Variants in SNTG1 observed in about 807,000 individuals in gnomAD.
The protein encoded by SNTG1 is gamma-1-syntrophin.
In SNTG1, 39 loss-of-function variants were observed where a neutral mutation model predicts 74.7. The ratio of observed to expected loss-of-function variants is 0.52; its 90% CI spans 0.40 to 0.68. The LOEUF is 0.68. Among genes scored for constraint, SNTG1 ranks in the 30% least tolerant of loss-of-function variants. SNTG1 has a pLI of 0.00. For synonymous variants in SNTG1, 254 were observed against 217.1 expected, an observed-to-expected ratio of 1.17 and a Z score of -1.49; for missense variants, 685 against 609.5, an observed-to-expected ratio of 1.12 and a Z score of -1.30.
intron 1 of SNTG1, among the ~76,000 whole-genome samples, chr8:50,093,650 C>G (rs535503132): frequency 2.1e-4 from 32 of 151,990 alleles, no homozygotes; most frequent in African/African-American, 7.7e-4. Flanking sequence ...GAATATGGTC[C>G]CTTGTAAGAC....
At chr8:50,487,067 G>A (rs1165868157) in intron 8 of SNTG1, among the ~76,000 whole-genome samples, 2 of 152,068 alleles carry the variant, frequency 1.3e-5, no homozygotes, top group Non-Finnish European at 2.9e-5. Context: ...CATTTATGCA[G>A]CCAAAAAACA....
In SNTG1 at chr8:50,524,382, A is replaced by G. The variant is rs930098655; in HGVS notation, c.467-5795A>G. ...TTTTAATGGACAAATATACTTGTTA[A>G]ATTATTATTTTCTATTAAAAATAAG... is the stretch of plus-strand genomic sequence containing the variant. On this transcript the variant is annotated intron_variant, in intron 9 of 18. Transcript: ENST00000642720. 9.2e-5 allele frequency among the ~76,000 whole-genome samples: 14 copies of G among 152,204 alleles called. 1 individual carries two copies. The highest frequency in any genetic ancestry group is 3.1e-4 in the African/African-American group (13 of 41,560).
At chr8:50,190,342 G>T (rs1442478106) in intron 2 of SNTG1, among the ~76,000 whole-genome samples, 1 of 152,032 alleles carries the variant, frequency 6.6e-6, no homozygotes, top group East Asian at 1.9e-4. Flanking sequence ...CAGAACAAAA[G>T]GTGGTAATAT....
chr8:50,591,088 T>C (rs1374463906), intron 13 of SNTG1, among the ~76,000 whole-genome samples, 171 bp downstream of exon 13: 1 of 152,110 alleles, frequency 6.6e-6, no homozygotes, highest in Non-Finnish European at 1.5e-5. Flanking sequence ...AATATATTGG[T>C]TCCTCTACTT....
chr8:49,953,051 T>C (rs1376745461), intron 1 of SNTG1, among the ~76,000 whole-genome samples: 1 of 152,144 alleles, frequency 6.6e-6, no homozygotes, highest in Non-Finnish European at 1.5e-5. Flanking sequence ...GAGTCTGAAA[T>C]TGACATATAA....
chr8:50,340,408 G>A (rs1270999965), intron 2 of SNTG1, among the ~76,000 whole-genome samples: 1 of 151,982 alleles, frequency 6.6e-6, no homozygotes, highest in East Asian at 1.9e-4. Flanking sequence ...AGAGAAGTCA[G>A]AAATAGCCCT....
At chr8:50,438,413 C>A in intron 4 of SNTG1, 130 bp from the exon 5 acceptor site, 2 of 673,368 alleles carry the variant, frequency 3.0e-6, no homozygotes, top group Non-Finnish European at 2.6e-6. Context: ...ACTATCCCAG[C>A]ACAGAAGAGT....
intron 2 of SNTG1, among the ~76,000 whole-genome samples, chr8:50,312,626 G>A (rs1420743010): frequency 1.3e-5 from 2 of 149,608 alleles, no homozygotes; most frequent in Non-Finnish European, 2.9e-5. Context: ...AAAATTTCAA[G>A]CCTATACAAA....
At chr8:50,192,974 A>G (rs2083629587) in intron 2 of SNTG1, among the ~76,000 whole-genome samples, 1 of 151,808 alleles carries the variant, frequency 6.6e-6, no homozygotes, top group Admixed American at 6.6e-5. Flanking sequence ...ATTTGGGTTT[A>G]TTTCTGGATT....
chr8:50,501,032 T>G (rs945158621), intron 8 of SNTG1, among the ~76,000 whole-genome samples: 1 of 152,150 alleles, frequency 6.6e-6, no homozygotes, highest in South Asian at 2.1e-4. Context: ...CCAATGATCC[T>G]AGTTACACAG....
At chr8:50,115,879 C>T (rs554828661) in intron 1 of SNTG1, among the ~76,000 whole-genome samples, 2 of 152,122 alleles carry the variant, frequency 1.3e-5, no homozygotes, top group South Asian at 4.2e-4. Flanking sequence ...CCACCGCCCC[C>T]CAACCCCCAG....
chr8:49,957,817 A>G (rs1402884095), intron 1 of SNTG1, among the ~76,000 whole-genome samples: 2 of 152,004 alleles, frequency 1.3e-5, no homozygotes, highest in Non-Finnish European at 2.9e-5. Context: ...TTTTTTTTTA[A>G]AAGCCAGGCA....
At chr8:50,021,599 G>A (rs1816820190) in intron 1 of SNTG1, among the ~76,000 whole-genome samples, 1 of 152,120 alleles carries the variant, frequency 6.6e-6, no homozygotes, top group Admixed American at 6.6e-5. Context: ...GATCAGTTAT[G>A]TGGTTTCATG....
At position 50,389,553 on chromosome 8, in the gene SNTG1, T is replaced by C. The variant is rs541136582; in HGVS notation, c.-27-4659T>C. Among the ~76,000 whole-genome samples, 632 of 152,322 alleles carry C rather than the reference T, an allele frequency of 4.1e-3. 6 individuals are homozygous for C. Among genetic ancestry groups the C allele is most frequent in the African/African-American group, 0.014 (580 of 41,584 alleles). ...ATGCCACAATAAACATACGTGTGCA[T>C]GTGTCTTTATAGCAGCATGATTTAT... On this transcript the variant is annotated intron_variant, in intron 2 of 18. Coordinates refer to ENST00000642720, the MANE Select transcript of SNTG1 (RefSeq NM_018967.5).
intron 2 of SNTG1, among the ~76,000 whole-genome samples, chr8:50,353,148 C>A (rs1168698796): frequency 6.6e-6 from 1 of 151,418 alleles, no homozygotes. Context: ...AGCAAACTAT[C>A]GCAAGGACAA....
At chr8:50,194,428 C>T (rs890195181) in intron 2 of SNTG1, among the ~76,000 whole-genome samples, 4 of 152,098 alleles carry the variant, frequency 2.6e-5, no homozygotes, top group African/African-American at 9.7e-5. Flanking sequence ...TTACTCATCT[C>T]TTCTAGATTT....
chr8:50,576,506 C>A (rs2094577668), intron 12 of SNTG1, among the ~76,000 whole-genome samples: 1 of 152,054 alleles, frequency 6.6e-6, no homozygotes, highest in Non-Finnish European at 1.5e-5. Flanking sequence ...TAAAACACCT[C>A]ATTGAAATTT....
intron 14 of SNTG1, among the ~76,000 whole-genome samples, 163 bp from the exon 15 acceptor site, chr8:50,658,429 A>G (rs1431586132): frequency 1.3e-5 from 2 of 152,202 alleles, no homozygotes; most frequent in East Asian, 3.9e-4. Flanking sequence ...AAAAGAGGAA[A>G]CAAAAGCATT....
chr8:49,946,682 G>C (rs1443148717), intron 1 of SNTG1, among the ~76,000 whole-genome samples: 1 of 152,064 alleles, frequency 6.6e-6, no homozygotes, highest in Non-Finnish European at 1.5e-5. Flanking sequence ...TGTAGTCAAA[G>C]TGGGCCGTCT....
Sources: gnomAD v4.1 joint callset for allele counts (sites outside exome capture counted in the v4.1 genomes callset) on GRCh38, gnomAD v4.1.1 for gene constraint, MANE v1.5 for transcripts, NCBI Gene and HGNC (gene_info 2026-07-23, HGNC 2026-07-21) for gene names.